Variants in RBFOX1 observed in about 807,000 individuals in gnomAD.
The protein encoded by RBFOX1 is RNA binding fox-1 homolog 1.
Under a neutral mutation model 57.7 loss-of-function variants are expected in RBFOX1, and 8 were observed. The ratio of observed to expected loss-of-function variants is 0.14; its 90% confidence interval spans 0.08 to 0.25. RBFOX1 has a LOEUF of 0.25. Ranked by LOEUF, RBFOX1 falls within the 10% of genes least tolerant of loss-of-function variation. RBFOX1 has a pLI of 1.00. For synonymous variants in RBFOX1, 326 were observed against 222.4 expected (o/e 1.47, Z -4.15); for missense variants, 611 against 548.5 (o/e 1.11, Z -1.14).
chr16:6,919,143 C>G (rs11647050), intron 3 of RBFOX1, among the ~76,000 whole-genome samples: 27,336 of 151,812 alleles, frequency 0.18, 2,859 homozygotes, highest in East Asian at 0.27. Flanking sequence ...TCGTGCCTGG[C>G]TAGTTTTTTG....
intron 3 of RBFOX1, among the ~76,000 whole-genome samples, chr16:6,886,783 C>CG (rs377564285): frequency 0.096 from 13,080 of 136,908 alleles, 592 homozygotes; most frequent in South Asian, 0.13. Context: ...CAAAACAAAA[C>CG]AAAAAAAAAA....
chr16:6,770,095 G>C (rs549455966), intron 3 of RBFOX1, among the ~76,000 whole-genome samples: 1 of 152,238 alleles, frequency 6.6e-6, no homozygotes, highest in East Asian at 1.9e-4. Flanking sequence ...TCAGCAGAAA[G>C]GAAAGAAAAA....
In RBFOX1 at chr16:7,446,795, G is replaced by GTT. The variant is rs1567209049; in HGVS notation, c.28-71352_28-71351insTT. Among the ~76,000 whole-genome samples, 58 of 128,126 alleles carry GTT rather than the reference G, an allele frequency of 4.5e-4. 3 individuals are homozygous for GTT. Among genetic ancestry groups the GTT allele is most frequent in the African/African-American group, 1.5e-3 (52 of 33,974 alleles). 84.1% of individuals were successfully genotyped at this position (128,126 alleles called of 152,430 possible). On this transcript the variant is annotated intron_variant, in intron 4 of 15. Coordinates refer to ENST00000550418, the MANE Select transcript of RBFOX1 (RefSeq NM_018723.4). ...TATTTCTCAAGCCAAGGTAGGTCTA[G>GTT]GTATTTTTTTTTTTTTTTTTTTTTT...
chr16:6,918,571 A>G (rs1352502124), intron 3 of RBFOX1, among the ~76,000 whole-genome samples: 1 of 152,178 alleles, frequency 6.6e-6, no homozygotes, highest in Admixed American at 6.5e-5. Flanking sequence ...CATTTAAAGA[A>G]TAAGTAACCA....
At chr16:6,844,055 C>T (rs545930025) in intron 3 of RBFOX1, among the ~76,000 whole-genome samples, 3 of 152,028 alleles carry the variant, frequency 2.0e-5, no homozygotes, top group African/African-American at 4.8e-5. Context: ...CTCTCTCTTT[C>T]TCTGTCTCTC....
intron 1 of RBFOX1, among the ~76,000 whole-genome samples, chr16:5,430,632 A>T (rs1158408452): frequency 6.6e-6 from 1 of 152,160 alleles, no homozygotes; most frequent in Non-Finnish European, 1.5e-5. Flanking sequence ...GACTCCAGAC[A>T]CTCAGTGATC....
intron 1 of RBFOX1, among the ~76,000 whole-genome samples, chr16:5,452,816 G>A (rs1268623270): frequency 6.6e-6 from 1 of 151,958 alleles, no homozygotes; most frequent in Non-Finnish European, 1.5e-5. Context: ...GCTAATTTTT[G>A]TATTTTTAGT....
chr16:7,088,031 C>A (rs183281296), intron 4 of RBFOX1, among the ~76,000 whole-genome samples: 1 of 152,270 alleles, frequency 6.6e-6, no homozygotes, highest in African/African-American at 2.4e-5. Context: ...TGGTATAGTA[C>A]ATGTGCTCGC....
At chr16:5,712,172 C>A (rs4786767) in intron 3 of RBFOX1, among the ~76,000 whole-genome samples, 82,427 of 152,066 alleles carry the variant, frequency 0.54, 25,946 homozygotes, top group Non-Finnish European at 0.72. Context: ...AAACTGCCCC[C>A]ATGATCCAAT....
chr16:6,637,326 T>TAA (rs752223226), intron 2 of RBFOX1, among the ~76,000 whole-genome samples: 5,924 of 23,142 alleles, frequency 0.26, 1,855 homozygotes, highest in East Asian at 0.53. Context: ...ATTATATATA[T>TAA]TATATAATAT....
At chr16:7,149,077 C>T (rs2075612470) in intron 4 of RBFOX1, among the ~76,000 whole-genome samples, 1 of 152,140 alleles carries the variant, frequency 6.6e-6, no homozygotes, top group African/African-American at 2.4e-5. Context: ...TAAAACATTT[C>T]CTTTCTCACA....
chr16:5,544,747 T>C (rs1196405914), intron 2 of RBFOX1, among the ~76,000 whole-genome samples: 1 of 152,108 alleles, frequency 6.6e-6, no homozygotes, highest in Non-Finnish European at 1.5e-5. Context: ...AAAGATAATA[T>C]GGGAATATTG....
rs191553344 is a variant in RBFOX1 at position 6,170,460 on chromosome 16, C to T, written c.-126-146535C>T. Among the ~76,000 whole-genome samples the T allele has an allele frequency of 3.2e-4, 49 of 152,170 alleles. No individual in the cohort carries two copies. In the East Asian group the frequency reaches 5.8e-3, roughly 18 times the overall value. On this transcript the variant is annotated intron_variant, in intron 1 of 15. Transcript: ENST00000550418. The stretch of plus-strand genomic sequence containing the variant: ...TGGGCTCCTCTTCTGCTCTGAGCCC[C>T]GTGGATGCATTGTTATGCGTAATAA...
At chr16:6,506,183 G>C (rs1393320166) in intron 2 of RBFOX1, among the ~76,000 whole-genome samples, 1 of 152,168 alleles carries the variant, frequency 6.6e-6, no homozygotes, top group Non-Finnish European at 1.5e-5. Flanking sequence ...TGGACAACAG[G>C]AGTGGGCAGG....
chr16:7,176,684 C>A (rs2081724280), intron 4 of RBFOX1, among the ~76,000 whole-genome samples: 1 of 152,080 alleles, frequency 6.6e-6, no homozygotes. Context: ...GTTTCCGATC[C>A]TTGTTCTAGG....
At chr16:6,237,813 G>T (rs1290949298) in intron 1 of RBFOX1, among the ~76,000 whole-genome samples, 1 of 151,988 alleles carries the variant, frequency 6.6e-6, no homozygotes, top group Non-Finnish European at 1.5e-5. Flanking sequence ...CTGCCTTATG[G>T]CTGGATGCGT....
intron 2 of RBFOX1, among the ~76,000 whole-genome samples, chr16:6,497,657 A>G (rs546534859): frequency 6.6e-6 from 1 of 152,032 alleles, no homozygotes; most frequent in South Asian, 2.1e-4. Context: ...CCCAGGTTCA[A>G]GTGATTGTCC....
chr16:7,636,386 T>C (rs2061759015), intron 11 of RBFOX1, among the ~76,000 whole-genome samples: 1 of 152,236 alleles, frequency 6.6e-6, no homozygotes, highest in South Asian at 2.1e-4. Flanking sequence ...TCTTTGAATT[T>C]CCAGTATACA....
chr16:5,738,635 G>GAAAA (rs61011633), intron 3 of RBFOX1, among the ~76,000 whole-genome samples: 1 of 61,186 alleles, frequency 1.6e-5, no homozygotes, highest in Non-Finnish European at 3.0e-5. Context: ...CTCTGTCTCA[G>GAAAA]AAAAAAAAAA....
Sources: allele counts gnomAD v4.1 joint callset (sites outside exome capture counted in the v4.1 genomes callset), GRCh38; gene constraint gnomAD v4.1.1; transcripts MANE v1.5; gene names NCBI Gene and HGNC (gene_info 2026-07-23, HGNC 2026-07-21).